EGFR: variants seen among roughly 807,000 people sequenced by gnomAD.
The protein encoded by EGFR is epidermal growth factor receptor, also known as avian erythroblastic leukemia viral (v-erb-b) oncogene homolog.
A neutral mutation model predicts 143.0 loss-of-function variants in EGFR; 58 were observed. That is an observed-to-expected ratio of 0.41 (90% CI 0.33 to 0.50). The LOEUF (loss-of-function observed/expected upper bound fraction) is 0.50, where lower values mean the gene tolerates loss of function less well. EGFR is among the 20% of genes least tolerant of loss of function. The pLI is 0.39. For missense variants in EGFR, 1,307 were observed against 1,579.0 expected (o/e 0.83, Z 2.92); for synonymous variants, 613 against 594.4 (o/e 1.03, Z -0.45).
At chr7:55,138,217 G>A (rs1017673469) in intron 1 of EGFR, among the ~76,000 whole-genome samples, 2 of 152,014 alleles carry the variant, frequency 1.3e-5, no homozygotes, top group African/African-American at 4.8e-5. Context: ...AAAATTTTAG[G>A]ACAAAAAGTT....
At chr7:55,094,632 C>G (rs1562708832) in intron 1 of EGFR, among the ~76,000 whole-genome samples, 1 of 152,232 alleles carries the variant, frequency 6.6e-6, no homozygotes, top group Non-Finnish European at 1.5e-5. Context: ...AACTTCCTTT[C>G]TAACTTCTCC....
chr7:55,144,476 AGTGC>A (rs1292773334), intron 3 of EGFR, among the ~76,000 whole-genome samples: 1 of 152,206 alleles, frequency 6.6e-6, no homozygotes, highest in Non-Finnish European at 1.5e-5. Flanking sequence ...ACAGGGAGGC[AGTGC>A]TGGTAGGAAA....
At chr7:55,099,572 G>A (rs956085953) in intron 1 of EGFR, among the ~76,000 whole-genome samples, 4 of 152,196 alleles carry the variant, frequency 2.6e-5, no homozygotes, top group East Asian at 1.9e-4. Flanking sequence ...TTGCAGCCTT[G>A]AGAGGTGCAG....
At chr7:55,060,187 A>G (rs1789085547) in intron 1 of EGFR, among the ~76,000 whole-genome samples, 1 of 152,232 alleles carries the variant, frequency 6.6e-6, no homozygotes, top group Admixed American at 6.5e-5. Flanking sequence ...ACAGTTTTAT[A>G]TGCATTTAAC....
chr7:55,172,894 G>T, intron 16 of EGFR, 89 bp from the exon 17 acceptor site: 1 of 1,611,994 alleles, frequency 6.2e-7, no homozygotes, highest in African/African-American at 1.3e-5. Flanking sequence ...AGATGTCAGT[G>T]CACTGAAACA....
At chr7:55,098,760 A>C (rs772958145) in intron 1 of EGFR, among the ~76,000 whole-genome samples, 8 of 152,222 alleles carry the variant, frequency 5.3e-5, no homozygotes, top group Non-Finnish European at 1.2e-4. Context: ...CTGGCCCTCC[A>C]CACTGCCAGC....
intron 13 of EGFR, among the ~76,000 whole-genome samples, chr7:55,161,998 C>T (rs942500299): frequency 1.3e-5 from 2 of 152,170 alleles, no homozygotes; most frequent in South Asian, 2.1e-4. Flanking sequence ...TTGTAGTGCC[C>T]GATTCCTGGT....
At chr7:55,192,716 C>A in intron 21 of EGFR, 50 bp from the exon 22 acceptor site, 1 of 1,557,234 alleles carries the variant, frequency 6.4e-7, no homozygotes. Context: ...CTTTTTCCAA[C>A]AGAGGGAAAC....
At chr7:55,094,027 G>A (rs1791292132) in intron 1 of EGFR, among the ~76,000 whole-genome samples, 1 of 152,210 alleles carries the variant, frequency 6.6e-6, no homozygotes, top group African/African-American at 2.4e-5. Context: ...AGTAGAGCGT[G>A]TGTAACGTAA....
intron 1 of EGFR, among the ~76,000 whole-genome samples, chr7:55,124,597 G>T (rs778070519): frequency 3.3e-5 from 5 of 152,150 alleles, no homozygotes; most frequent in Non-Finnish European, 7.3e-5. Flanking sequence ...CCAAAGGATG[G>T]ATCCCTCGGG....
intron 22 of EGFR, among the ~76,000 whole-genome samples, chr7:55,193,541 G>A (rs569039071): frequency 9.2e-5 from 14 of 152,280 alleles, no homozygotes; most frequent in African/African-American, 2.6e-4. Context: ...GTCTCTGACC[G>A]CTGTGCCAGG....
In EGFR at chr7:55,207,186, A is replaced by T. The variant is rs1456341220; in HGVS notation, c.*1569A>T. On this transcript the variant is annotated 3_prime_UTR_variant, in exon 28 of 28. Transcript: ENST00000275493. ...ATGGTTCAGAAAATATTTTCAGCCT[A>T]CAGTTATGTTCAGTCACACACACAT... 1 of 232,878 alleles carries T rather than the reference A, an allele frequency of 4.3e-6. No individual in the cohort carries two copies. Among genetic ancestry groups the T allele is most frequent in the South Asian group, 1.8e-4 (1 of 5,524 alleles). 14.4% of individuals were successfully genotyped at this position (232,878 alleles called of 1,614,324 possible).
intron 1 of EGFR, among the ~76,000 whole-genome samples, chr7:55,065,707 C>T (rs1789455133): frequency 6.6e-6 from 1 of 152,104 alleles, no homozygotes; most frequent in African/African-American, 2.4e-5. Context: ...GAATTAGGGA[C>T]ATGGCTGTGT....
chr7:55,122,405 A>T (rs7804688), intron 1 of EGFR, among the ~76,000 whole-genome samples: 140,324 of 152,298 alleles, frequency 0.92, 64,708 homozygotes, highest in East Asian at 1. Context: ...TGTGTCCTCA[A>T]TGGGCTGCTG....
At chr7:55,143,527 G>A (rs1446782909) in intron 3 of EGFR, 39 bp downstream of exon 3, 5 of 1,610,410 alleles carry the variant, frequency 3.1e-6, no homozygotes, top group Non-Finnish European at 3.4e-6. Context: ...GTTCATAAAT[G>A]CAGACAGCAG....
At chr7:55,067,125 C>T (rs866933321) in intron 1 of EGFR, among the ~76,000 whole-genome samples, 18 of 152,252 alleles carry the variant, frequency 1.2e-4, no homozygotes, top group East Asian at 3.9e-4. Context: ...AGGTAGGGCG[C>T]AGTTTCAGAA....
chr7:55,174,225 T>A (rs1786489424), intron 18 of EGFR, among the ~76,000 whole-genome samples, 182 bp downstream of exon 18: 1 of 152,212 alleles, frequency 6.6e-6, no homozygotes, highest in South Asian at 2.1e-4. Context: ...ATAACCACAG[T>A]AATCAGTGGT....
intron 20 of EGFR, 95 bp from the exon 21 acceptor site, chr7:55,191,624 G>A (rs1217127546): frequency 1.3e-6 from 2 of 1,552,262 alleles, no homozygotes; most frequent in East Asian, 2.2e-5. Flanking sequence ...GACGTGGAGA[G>A]GCTCAGAGCC....
At chr7:55,200,942 CA>C in intron 24 of EGFR, 1 of 574,338 alleles carries the variant, frequency 1.7e-6, no homozygotes, top group Middle Eastern at 4.7e-4. Context: ...TCTGTTTCCT[CA>C]GAAGCTATTT....
Sources: gnomAD v4.1 joint callset for allele counts (sites outside exome capture counted in the v4.1 genomes callset) on GRCh38, gnomAD v4.1.1 for gene constraint, MANE v1.5 for transcripts, NCBI Gene and HGNC (gene_info 2026-07-23, HGNC 2026-07-21) for gene names.